Variants in ALPK2 observed in about 807,000 individuals in gnomAD.
The protein encoded by ALPK2 is alpha-protein kinase 2.
ALPK2 carries 127 observed loss-of-function variants against 163.1 expected under a neutral mutation model. That is an observed-to-expected ratio of 0.78 (90% CI 0.67 to 0.90). The LOEUF is 0.90. ALPK2 is among the 40% of genes least tolerant of loss of function. The pLI is 0.00. For synonymous variants in ALPK2, 953 were observed against 959.1 expected, an observed-to-expected ratio of 0.99 and a Z score of 0.12; for missense variants, 2,360 against 2,589.6, an observed-to-expected ratio of 0.91 and a Z score of 1.92.
chr18:58,624,380 C>G (rs1227333307), intron 1 of ALPK2, among the ~76,000 whole-genome samples: 1 of 152,120 alleles, frequency 6.6e-6, no homozygotes, highest in Non-Finnish European at 1.5e-5. Flanking sequence ...TGACCAAAGT[C>G]CTGGACTCTT....
chr18:58,508,058 G>T (rs2051470405), intron 10 of ALPK2, among the ~76,000 whole-genome samples: 1 of 152,114 alleles, frequency 6.6e-6, no homozygotes, highest in Non-Finnish European at 1.5e-5. Context: ...TGGATCAGCT[G>T]GTACCACCCA....
chr18:58,613,242 A>G (rs571716163), intron 1 of ALPK2, among the ~76,000 whole-genome samples: 2 of 152,352 alleles, frequency 1.3e-5, no homozygotes, highest in African/African-American at 4.8e-5. Context: ...GTAGAGGGAA[A>G]AGGAACCTGA....
chr18:58,574,248 G>A (rs1203934941), intron 4 of ALPK2, among the ~76,000 whole-genome samples: 1 of 150,866 alleles, frequency 6.6e-6, no homozygotes, highest in Non-Finnish European at 1.5e-5. Flanking sequence ...TTCGAGACCA[G>A]CCTGACCAAC....
In ALPK2 at chr18:58,557,495, G is replaced by A. The variant is rs576795210; in HGVS notation, c.1963-19271C>T. Among the ~76,000 whole-genome samples the A allele has an allele frequency of 2.7e-5, 4 of 148,882 alleles. No individual in the cohort carries two copies. The East Asian group carries it at 8.0e-4, about 30-fold the overall frequency. On this transcript the variant is annotated intron_variant, in intron 4 of 12. Transcript: ENST00000361673. Reference sequence around the variant, plus strand: ...GTCTCTGATGCCGTGTAGATAGTAGGGGAGGCTGTGCATTTGTGGGAGCAG... The same window carrying A: ...GTCTCTGATGCCGTGTAGATAGTAGAGGAGGCTGTGCATTTGTGGGAGCAG...
At chr18:58,575,148 G>A (rs1032576757) in intron 4 of ALPK2, among the ~76,000 whole-genome samples, 8 of 150,608 alleles carry the variant, frequency 5.3e-5, no homozygotes, top group African/African-American at 2.0e-4. Flanking sequence ...GGGGGGCAGA[G>A]GTTGCGGTGG....
intron 4 of ALPK2, among the ~76,000 whole-genome samples, chr18:58,577,036 G>C (rs575936485): frequency 2.0e-4 from 31 of 152,356 alleles, no homozygotes; most frequent in African/African-American, 7.2e-4. Flanking sequence ...ACCTGGTGGA[G>C]TGGGTATATA....
At chr18:58,509,936 G>A (rs1255691909) in intron 10 of ALPK2, among the ~76,000 whole-genome samples, 2 of 152,128 alleles carry the variant, frequency 1.3e-5, no homozygotes, top group African/African-American at 4.8e-5. Flanking sequence ...TGCTTTTGGT[G>A]TTTTAGACAT....
intron 3 of ALPK2, among the ~76,000 whole-genome samples, chr18:58,593,223 C>T (rs919464166): frequency 6.6e-6 from 1 of 152,058 alleles, no homozygotes; most frequent in African/African-American, 2.4e-5. Flanking sequence ...GTCTTATGCT[C>T]AATTTTGCTG....
intron 4 of ALPK2, chr18:58,538,429 G>A: frequency 3.9e-6 from 2 of 512,752 alleles, no homozygotes. Context: ...TGTTCCAGGG[G>A]GCCCTTTGTC....
chr18:58,627,223 A>G (rs1368392790), intron 1 of ALPK2, among the ~76,000 whole-genome samples: 2 of 152,232 alleles, frequency 1.3e-5, no homozygotes, highest in African/African-American at 2.4e-5. Flanking sequence ...TTAAAAACTC[A>G]TGAAACTGGA....
At position 58,580,009 on chromosome 18, in the gene ALPK2, C is replaced by G. The variant is rs770894903; in HGVS notation, c.767G>C (p.Gly256Ala). Reference protein sequence around the residue: ...DLNNDGPHDEGLRSSQQNPKV... With the variant: ...DLNNDGPHDEALRSSQQNPKV... The stretch of plus-strand genomic sequence containing the variant: ...GGGATTTTGCTGACTAGAGCGTAAG[C>G]CTTCATCATGAGGACCATCATTGTT... The change falls in exon 4 of 13, where the codon GGC (glycine) becomes GCC (alanine). Residue 256 changes from glycine (G) to alanine (A), a missense_variant. Physicochemically the swap from Gly to Ala is moderately conservative, Grantham distance 60 (BLOSUM62 0). Coordinates refer to ENST00000361673, the MANE Select transcript of ALPK2 (RefSeq NM_052947.4). 1 of 1,614,210 alleles carries G rather than the reference C, an allele frequency of 6.2e-7. No homozygotes were observed. Among genetic ancestry groups the G allele is most frequent in the Non-Finnish European group, 8.5e-7 (1 of 1,180,040 alleles).
chr18:58,580,860 G>A (rs962197157), intron 3 of ALPK2: 4 of 244,608 alleles, frequency 1.6e-5, no homozygotes, highest in African/African-American at 6.7e-5. Flanking sequence ...TACCTTATAT[G>A]GTCTAAGAGG....
At chr18:58,608,117 C>G (rs1334800651) in intron 2 of ALPK2, among the ~76,000 whole-genome samples, 1 of 152,134 alleles carries the variant, frequency 6.6e-6, no homozygotes, top group African/African-American at 2.4e-5. Flanking sequence ...TTCATATTTG[C>G]ATGGGAATCA....
chr18:58,579,483 G>C lies in ALPK2; in HGVS notation c.1293C>G (p.Leu431=), dbSNP rs760917873. 5 of 1,614,044 alleles carry C rather than the reference G, an allele frequency of 3.1e-6. No individual in the cohort carries two copies. The highest frequency in any genetic ancestry group is 4.2e-6 in the Non-Finnish European group (5 of 1,180,020). ...TTCCATCCTGGTGAGGTCCCAAAAT[G>C]AGAGTCATCCCTGTTTGTGGGGATG... ...GPSSPQTGMT[L]ILGPHQDGTS... The change falls in exon 4 of 13, where the codon CTC becomes CTG. Residue 431 remains leucine (L), a synonymous_variant. Coordinates refer to ENST00000361673, the MANE Select transcript of ALPK2 (RefSeq NM_052947.4).
At chr18:58,487,759 C>T (rs1001578710) in intron 12 of ALPK2, among the ~76,000 whole-genome samples, 5 of 152,120 alleles carry the variant, frequency 3.3e-5, no homozygotes, top group South Asian at 2.1e-4. Context: ...CACTGGCTCA[C>T]GCCTGTAATC....
chr18:58,525,082 G>T (rs1359918207), intron 6 of ALPK2, among the ~76,000 whole-genome samples: 1 of 151,998 alleles, frequency 6.6e-6, no homozygotes. Flanking sequence ...ATTTTAGCTT[G>T]GGTTCGTTTC....
intron 4 of ALPK2, chr18:58,544,222 G>T (rs955841560): frequency 6.6e-5 from 10 of 152,118 alleles, no homozygotes; most frequent in Non-Finnish European, 1.2e-4. Flanking sequence ...GAAACTTAAC[G>T]CTTGAATAGC....
Position 58,536,316 on chromosome 18 carries a change from A to T in ALPK2, c.3871T>A (p.Ser1291Thr), listed in dbSNP as rs1450722649. The T allele has an allele frequency of 2.5e-6, 4 of 1,614,066 alleles. No homozygotes were observed. Among genetic ancestry groups the T allele is most frequent in the Non-Finnish European group, 3.4e-6 (4 of 1,180,032 alleles). ...ADAVVPELAP[S>T]EIAALAHSPE... ...CTGTGAGCCAATGCTGCTATTTCAGAGGGGGCCAATTCAGGCACAACAGCA... is the reference window on the plus strand; with the variant it reads ...CTGTGAGCCAATGCTGCTATTTCAGTGGGGGCCAATTCAGGCACAACAGCA... Residue 1291 changes from serine to threonine, a missense_variant, in exon 5 of 13, where the codon TCT becomes ACT. Physicochemically the swap from Ser to Thr is moderately conservative, Grantham distance 58. Transcript: ENST00000361673.
intron 4 of ALPK2, among the ~76,000 whole-genome samples, chr18:58,569,513 C>A (rs1377618988): frequency 6.6e-6 from 1 of 152,174 alleles, no homozygotes; most frequent in Non-Finnish European, 1.5e-5. Context: ...GTTGAGAATG[C>A]AGATTCTGAT....
Sources: allele counts gnomAD v4.1 joint callset (sites outside exome capture counted in the v4.1 genomes callset), GRCh38; gene constraint gnomAD v4.1.1; transcripts MANE v1.5; gene names NCBI Gene and HGNC (gene_info 2026-07-23, HGNC 2026-07-21).